The following OSTN variants were observed in gnomAD, a reference collection of about 807,000 sequenced individuals.
OSTN encodes the protein osteocrin.
A neutral mutation model predicts 12.0 loss-of-function variants in OSTN; 9 were observed. The observed-to-expected ratio is 0.75, with a 90% CI of 0.45 to 1.30. OSTN has a LOEUF of 1.30. Ranked by LOEUF, OSTN falls within the 50% of genes most tolerant of loss-of-function variation. The pLI, the probability that OSTN is intolerant of heterozygous loss-of-function variation, is 0.00. For missense variants in OSTN, 148 were observed against 152.3 expected (o/e 0.97, Z 0.15); for synonymous variants, 59 against 56.9 (o/e 1.04, Z -0.16).
intron 1 of OSTN, among the ~76,000 whole-genome samples, chr3:191,207,945 G>A (rs1334264005): frequency 2.6e-5 from 4 of 152,148 alleles, no homozygotes; most frequent in Non-Finnish European, 5.9e-5. Context: ...AGCATAAGAT[G>A]TTATACAACA....
chr3:191,221,028 C>T (rs777165036), intron 3 of OSTN, among the ~76,000 whole-genome samples: 2 of 152,074 alleles, frequency 1.3e-5, no homozygotes, highest in Non-Finnish European at 2.9e-5. Flanking sequence ...GGTGTGGTTA[C>T]CCCCGTGCTG....
intron 1 of OSTN, among the ~76,000 whole-genome samples, chr3:191,204,269 T>C (rs911246985): frequency 1.3e-5 from 2 of 152,082 alleles, no homozygotes; most frequent in Non-Finnish European, 2.9e-5. Context: ...ATCCAAAACA[T>C]AAAGTAAATT....
At chr3:191,236,030 T>G (rs768684915) in intron 3 of OSTN, among the ~76,000 whole-genome samples, 21 of 152,336 alleles carry the variant, frequency 1.4e-4, no homozygotes, top group Non-Finnish European at 2.8e-4. Flanking sequence ...CCATTGTTTT[T>G]CAATAACTTG....
intron 3 of OSTN, among the ~76,000 whole-genome samples, chr3:191,241,595 T>G (rs1178082504): frequency 6.6e-6 from 1 of 152,188 alleles, no homozygotes; most frequent in Non-Finnish European, 1.5e-5. Flanking sequence ...GATTCCAAGT[T>G]TCTTTTCTTG....
In OSTN at chr3:191,253,002, C is replaced by T. The variant is rs938626873; in HGVS notation, c.*12+2869C>T. ...AAATGGAGCTGCAAGAGGAAATTGT[C>T]CCAAATTTTATAGACTCTTGGGCAG... On this transcript the variant is annotated intron_variant, in intron 4 of 4. Coordinates refer to ENST00000682035, the MANE Select transcript of OSTN (RefSeq NM_198184.2). 5.9e-5 allele frequency among the ~76,000 whole-genome samples: 9 copies of T among 152,268 alleles called. No individual in the cohort carries two copies. The South Asian group carries it at 1.7e-3, about 28-fold the overall frequency.
intron 3 of OSTN, among the ~76,000 whole-genome samples, chr3:191,235,379 C>G (rs779884738): frequency 2.0e-5 from 3 of 152,182 alleles, no homozygotes; most frequent in Non-Finnish European, 2.9e-5. Context: ...AGCTTGTGGC[C>G]AGTTTATATT....
chr3:191,253,171 G>T (rs568475217), intron 4 of OSTN, among the ~76,000 whole-genome samples: 19 of 152,144 alleles, frequency 1.2e-4, no homozygotes, highest in Non-Finnish European at 2.5e-4. Flanking sequence ...ATGGTATCTC[G>T]CACTTTACAA....
At chr3:191,209,762 T>C (rs1208112346) in intron 1 of OSTN, among the ~76,000 whole-genome samples, 3 of 152,232 alleles carry the variant, frequency 2.0e-5, no homozygotes, top group Non-Finnish European at 2.9e-5. Flanking sequence ...CACTGTTGCA[T>C]AGTGACAAGT....
At chr3:191,256,480 C>T (rs1046298774) in intron 4 of OSTN, among the ~76,000 whole-genome samples, 10 of 151,988 alleles carry the variant, frequency 6.6e-5, no homozygotes, top group African/African-American at 2.4e-4. Context: ...GATCACAGGT[C>T]TCTGTAAAAT....
intron 1 of OSTN, among the ~76,000 whole-genome samples, chr3:191,211,435 G>C (rs1341904240): frequency 6.6e-6 from 1 of 151,934 alleles, no homozygotes; most frequent in African/African-American, 2.4e-5. Flanking sequence ...TCCAATTTTT[G>C]GCTACTATAT....
In OSTN at chr3:191,263,024, C is replaced by A; in HGVS notation, c.*171C>A. Reference sequence around the variant, plus strand: ...TCACATTACAGCATTGTTACAGCTTCAATTAAATTGTGTAAATCATTTTGA... The same window carrying A: ...TCACATTACAGCATTGTTACAGCTTAAATTAAATTGTGTAAATCATTTTGA... On this transcript the variant is annotated 3_prime_UTR_variant, in exon 5 of 5. Coordinates refer to ENST00000682035, the MANE Select transcript of OSTN (RefSeq NM_198184.2). The A allele has an allele frequency of 1.8e-6, 1 of 568,538 alleles. No individual in the cohort carries two copies. The highest frequency in any genetic ancestry group is 2.3e-5 in the South Asian group (1 of 43,532). The allele number at this position is 568,538 out of a possible 1,614,324, so 35.2% of individuals were successfully genotyped here.
At chr3:191,231,354 C>CAT (rs58457250) in intron 3 of OSTN, among the ~76,000 whole-genome samples, 4,528 of 150,570 alleles carry the variant, frequency 0.03, 192 homozygotes, top group African/African-American at 0.099. Context: ...AAAAATCACA[C>CAT]ATATATATAT....
chr3:191,207,187 G>C (rs1242109754), intron 1 of OSTN, among the ~76,000 whole-genome samples: 1 of 152,050 alleles, frequency 6.6e-6, no homozygotes, highest in South Asian at 2.1e-4. Context: ...TTAAATTTTT[G>C]TTCAAAGGAG....
chr3:191,213,226 C>G (rs1451059572), intron 2 of OSTN: 1 of 152,102 alleles, frequency 6.6e-6, no homozygotes, highest in Non-Finnish European at 1.5e-5. Context: ...GGAGGTGCAG[C>G]TACCAATAAG....
chr3:191,207,689 T>C (rs1412939902), intron 1 of OSTN, among the ~76,000 whole-genome samples: 1 of 152,214 alleles, frequency 6.6e-6, no homozygotes, highest in Non-Finnish European at 1.5e-5. Flanking sequence ...CTTATTAAAC[T>C]CTGGTTTAAA....
At chr3:191,252,611 C>T (rs979500397) in intron 4 of OSTN, among the ~76,000 whole-genome samples, 1 of 152,064 alleles carries the variant, frequency 6.6e-6, no homozygotes, top group Non-Finnish European at 1.5e-5. Flanking sequence ...TGCTCTTTCC[C>T]GTTCATCAGT....
In OSTN at chr3:191,263,008, A is replaced by G. The variant is rs7644510; in HGVS notation, c.*155A>G. 303,665 of 625,034 alleles carry G rather than the reference A, an allele frequency of 0.49. 77,485 individuals carry two copies. The highest frequency in any genetic ancestry group is 0.54 in the Non-Finnish European group (184,745 of 340,962). 38.7% of individuals were successfully genotyped at this position (625,034 alleles called of 1,614,324 possible). A position where few individuals can be genotyped will look rare whatever the true frequency, so the allele number is the denominator to read the frequency against. ...CTTGAACTTCAGTCCATCACATTAC[A>G]GCATTGTTACAGCTTCAATTAAATT... is the stretch of plus-strand genomic sequence containing the variant. On this transcript the variant is annotated 3_prime_UTR_variant, in exon 5 of 5. Coordinates refer to ENST00000682035, the MANE Select transcript of OSTN (RefSeq NM_198184.2).
At chr3:191,199,938 T>C (rs924619705) in intron 1 of OSTN, among the ~76,000 whole-genome samples, 10 of 152,120 alleles carry the variant, frequency 6.6e-5, no homozygotes, top group Non-Finnish European at 1.2e-4. Context: ...TTGAGCTCTG[T>C]TGGAGAAGAA....
At chr3:191,250,311 T>G (rs1394939735) in intron 4 of OSTN, among the ~76,000 whole-genome samples, 178 bp downstream of exon 4, 1 of 152,194 alleles carries the variant, frequency 6.6e-6, no homozygotes, top group Non-Finnish European at 1.5e-5. Context: ...ATAACTTAAA[T>G]GATATTTAAA....
Sources: allele counts gnomAD v4.1 joint callset (sites outside exome capture counted in the v4.1 genomes callset), GRCh38; gene constraint gnomAD v4.1.1; transcripts MANE v1.5; gene names NCBI Gene and HGNC (gene_info 2026-07-23, HGNC 2026-07-21).